Variants in FZD3 observed in about 807,000 individuals in gnomAD.
FZD3 encodes frizzled class receptor 3.
Under a neutral mutation model 60.7 loss-of-function variants are expected in FZD3, and 30 were observed. The ratio of observed to expected loss-of-function variants is 0.49; its 90% CI spans 0.37 to 0.67. FZD3 has a LOEUF of 0.67. FZD3 is among the 30% of genes least tolerant of loss of function. The probability of loss-of-function intolerance (pLI) is 0.00; values close to 1 mark genes in which losing one functional copy is unlikely to be tolerated. For synonymous variants in FZD3, 246 were observed against 275.2 expected (o/e 0.89, Z 1.05); for missense variants, 605 against 838.7 (o/e 0.72, Z 3.44).
chr8:28,510,609 T>C (rs1563383891), intron 3 of FZD3, among the ~76,000 whole-genome samples: 1 of 152,176 alleles, frequency 6.6e-6, no homozygotes, highest in Non-Finnish European at 1.5e-5. Context: ...GAGTATGAAA[T>C]TCAGAGACAA....
chr8:28,523,596 A>G (rs1287169437), intron 4 of FZD3, among the ~76,000 whole-genome samples: 1 of 151,196 alleles, frequency 6.6e-6, no homozygotes, highest in Non-Finnish European at 1.5e-5. Flanking sequence ...TGTCCAGCTA[A>G]TTAAAAAAAA....
Position 28,520,746 on chromosome 8 carries a change from C to T in FZD3, c.298C>T (p.Arg100Cys), listed in dbSNP as rs879858180. 8 of 1,612,584 alleles carry T rather than the reference C, an allele frequency of 5.0e-6. No individual in the cohort carries two copies. The highest frequency in any genetic ancestry group is 6.8e-6 in the Non-Finnish European group (8 of 1,179,010). Reference sequence around the variant, plus strand: ...ATATGGACGTGTCACACTTCCCTGTCGTAGGCTGTGTCAGCGGGCTTACAG... The same window carrying T: ...ATATGGACGTGTCACACTTCCCTGTTGTAGGCTGTGTCAGCGGGCTTACAG... ...MEYGRVTLPC[R>C]RLCQRAYSEC... The change falls in exon 4 of 8, where the codon CGT (arginine) becomes TGT (cysteine). Residue 100 changes from arginine (R) to cysteine (C), a missense_variant. By Grantham distance (180) the Arg-to-Cys change is radical (BLOSUM62 -3). Transcript: ENST00000240093.
chr8:28,523,988 A>G (rs896413084), intron 4 of FZD3, among the ~76,000 whole-genome samples: 4 of 151,944 alleles, frequency 2.6e-5, no homozygotes, highest in African/African-American at 7.3e-5. Flanking sequence ...CCCTTTTGCC[A>G]TGGGTTGATG....
At chr8:28,513,393 T>C (rs1451778666) in intron 3 of FZD3, among the ~76,000 whole-genome samples, 1 of 152,154 alleles carries the variant, frequency 6.6e-6, no homozygotes, top group Non-Finnish European at 1.5e-5. Flanking sequence ...CACATATTCT[T>C]CCGTGATAAT....
intron 3 of FZD3, among the ~76,000 whole-genome samples, chr8:28,503,413 A>G (rs536054310): frequency 1.3e-5 from 2 of 152,350 alleles, no homozygotes; most frequent in East Asian, 1.9e-4. Context: ...TATTTTAGAC[A>G]TTATACTTTT....
At chr8:28,553,721 C>T (rs1805453485) in intron 6 of FZD3, among the ~76,000 whole-genome samples, 2 of 152,186 alleles carry the variant, frequency 1.3e-5, no homozygotes, top group South Asian at 4.2e-4. Context: ...GTGCTCTGGG[C>T]TGGAGTGGCA....
At chr8:28,526,099 T>TA (rs5890422) in intron 4 of FZD3, among the ~76,000 whole-genome samples, 88,109 of 151,764 alleles carry the variant, frequency 0.58, 25,739 homozygotes, top group South Asian at 0.63. Context: ...AGTTGGCAGT[T>TA]AGATATACAA....
Position 28,562,794 on chromosome 8 carries a change from A to G in FZD3, c.1788-4A>G. The G allele has an allele frequency of 6.3e-7, 1 of 1,575,066 alleles. No homozygotes were observed. Among genetic ancestry groups the G allele is most frequent in the African/African-American group, 1.3e-5 (1 of 74,094 alleles). On this transcript the variant is annotated splice_polypyrimidine_tract_variant and splice_region_variant and intron_variant, in intron 7 of 7. Coordinates refer to ENST00000240093, the MANE Select transcript of FZD3 (RefSeq NM_017412.4). Reference sequence around the variant, plus strand: ...ACCCACTTCAAAATAAACTCTCATGACAGGTACACGCCCTGCAGTTACAGA... The same window carrying G: ...ACCCACTTCAAAATAAACTCTCATGGCAGGTACACGCCCTGCAGTTACAGA...
intron 7 of FZD3, among the ~76,000 whole-genome samples, chr8:28,561,288 C>T (rs1311700295): frequency 1.3e-5 from 2 of 152,098 alleles, no homozygotes; most frequent in Non-Finnish European, 2.9e-5. Flanking sequence ...AACTCCTGAC[C>T]TCAAGTGATC....
intron 1 of FZD3, among the ~76,000 whole-genome samples, chr8:28,495,202 GT>G (rs1040396749): frequency 6.6e-6 from 1 of 152,178 alleles, no homozygotes; most frequent in African/African-American, 2.4e-5. Context: ...TCTTGGCTTT[GT>G]TTTTAAGAAC....
intron 3 of FZD3, among the ~76,000 whole-genome samples, chr8:28,519,601 G>T (rs996925898): frequency 6.6e-6 from 1 of 151,676 alleles, no homozygotes; most frequent in South Asian, 2.1e-4. Context: ...GTGGTGGTGC[G>T]TGCCTGTAGT....
chr8:28,543,858 T>G (rs1805233426), intron 5 of FZD3, among the ~76,000 whole-genome samples: 1 of 152,190 alleles, frequency 6.6e-6, no homozygotes, highest in South Asian at 2.1e-4. Context: ...TCCAGCTTAA[T>G]AGGCTCATAG....
In FZD3 at chr8:28,527,230, T is replaced by C. The variant is rs911261335; in HGVS notation, c.470T>C (p.Val157Ala). 5.0e-6 allele frequency: 8 copies of C among 1,613,908 alleles called. No homozygotes were observed. In the African/African-American group the frequency reaches 9.3e-5, roughly 19 times the overall value. The change falls in exon 5 of 8, where the codon GTG (valine) becomes GCG (alanine). Residue 157 changes from valine to alanine, a missense_variant. Transcript: ENST00000240093. This position sits in a 1 kb window ranked among gnomAD's most constrained non-coding sequence, Gnocchi z 5.0. ...GEPTEGAPVAVQRDYGFWCPR... is the reference protein window; with the variant it reads ...GEPTEGAPVAAQRDYGFWCPR... Reference sequence around the variant, plus strand: ...CCAACTGAAGGAGCCCCAGTGGCAGTGCAGAGAGACTATGGTTTTTGGTGT... The same window carrying C: ...CCAACTGAAGGAGCCCCAGTGGCAGCGCAGAGAGACTATGGTTTTTGGTGT...
At chr8:28,505,218 A>G (rs1804104493) in intron 3 of FZD3, 1 of 154,654 alleles carries the variant, frequency 6.5e-6, no homozygotes, top group South Asian at 2.0e-4. Flanking sequence ...TAGCAGGCAC[A>G]AGTAATTGGA....
rs1035407206 is a variant in FZD3 at position 28,512,935 on chromosome 8, T to A, written c.190-7703T>A. On this transcript the variant is annotated intron_variant, in intron 3 of 7. Coordinates refer to ENST00000240093, the MANE Select transcript of FZD3 (RefSeq NM_017412.4). ...AGAAAATGAAACTTCTTTTACTACA[T>A]TTATAGAATTCATGGTGTTAATCTT... Among the ~76,000 whole-genome samples the A allele has an allele frequency of 1.1e-4, 17 of 152,168 alleles. 1 individual carries two copies. The highest frequency in any genetic ancestry group is 3.6e-4 in the African/African-American group (15 of 41,446).
At chr8:28,494,715 C>A (rs1803791981) in intron 1 of FZD3, among the ~76,000 whole-genome samples, 1 of 152,040 alleles carries the variant, frequency 6.6e-6, no homozygotes, top group Admixed American at 6.5e-5. Context: ...GAGTGTGGAC[C>A]GCGGTTCGCT....
chr8:28,497,916 C>T (rs550732845), intron 1 of FZD3, among the ~76,000 whole-genome samples: 18 of 152,100 alleles, frequency 1.2e-4, no homozygotes, highest in Non-Finnish European at 2.2e-4. Context: ...GGAATCCCTT[C>T]CCTTTATTGC....
At chr8:28,518,886 T>C (rs146126757) in intron 3 of FZD3, among the ~76,000 whole-genome samples, 38 of 152,326 alleles carry the variant, frequency 2.5e-4, no homozygotes, top group African/African-American at 9.1e-4. Flanking sequence ...TCTCTTTGAA[T>C]TCTTATTCCC....
At chr8:28,504,460 T>C (rs1371754791) in intron 3 of FZD3, among the ~76,000 whole-genome samples, 4 of 152,194 alleles carry the variant, frequency 2.6e-5, no homozygotes. Flanking sequence ...ATTTCTGGTA[T>C]CATTTTAAAT....
Sources: allele counts gnomAD v4.1 joint callset (sites outside exome capture counted in the v4.1 genomes callset), GRCh38; gene constraint gnomAD v4.1.1; non-coding constraint Gnocchi (gnomAD v3.1); transcripts MANE v1.5; gene names NCBI Gene and HGNC (gene_info 2026-07-23, HGNC 2026-07-21).